The following PIK3R1 variants were observed in gnomAD, a reference collection of about 807,000 sequenced individuals.
PIK3R1 encodes phosphoinositide-3-kinase regulatory subunit 1.
Under a neutral mutation model 98.0 loss-of-function variants are expected in PIK3R1, and 29 were observed. The observed-to-expected ratio is 0.30, with a 90% CI of 0.22 to 0.40. PIK3R1 has a LOEUF of 0.40. Ranked by LOEUF, PIK3R1 falls within the 10% of genes least tolerant of loss-of-function variation. PIK3R1 has a pLI of 1.00. For missense variants in PIK3R1, 596 were observed against 872.7 expected (o/e 0.68, Z 3.99); for synonymous variants, 282 against 311.8 (o/e 0.90, Z 1.01).
At chr5:68,293,042 A>T in intron 8 of PIK3R1, 59 bp from the exon 9 acceptor site, 1 of 1,396,124 alleles carries the variant, frequency 7.2e-7, no homozygotes, top group Non-Finnish European at 1.0e-6. Context: ...TATTTTAAAA[A>T]ATATAAATCT....
chr5:68,227,239 T>G, intron 2 of PIK3R1, among the ~76,000 whole-genome samples: 1 of 152,220 alleles, frequency 6.6e-6, no homozygotes, highest in Non-Finnish European at 1.5e-5. Context: ...AGAACCTGTT[T>G]AGTGAGTGTC....
chr5:68,229,918 A>G (rs1744408909), intron 2 of PIK3R1, among the ~76,000 whole-genome samples: 1 of 152,242 alleles, frequency 6.6e-6, no homozygotes, highest in African/African-American at 2.4e-5. Context: ...GATTGAATGA[A>G]TTGTTTTAAT....
chr5:68,254,657 C>T (rs753313058), intron 2 of PIK3R1, among the ~76,000 whole-genome samples: 6 of 152,152 alleles, frequency 3.9e-5, no homozygotes, highest in South Asian at 4.1e-4. Flanking sequence ...CCTGAATGGA[C>T]TAATAAGTGG....
rs1479558682 is a variant in PIK3R1 at position 68,224,413 on chromosome 5, C to T, written c.-386-1877C>T. On this transcript the variant is annotated intron_variant, in intron 1 of 15. Coordinates refer to ENST00000521381, the MANE Select transcript of PIK3R1 (RefSeq NM_181523.3). ...ACTGAAATGCGAAGTAGAGTACTAT[C>T]CCCAATTAATATTCTTGCTCCACAA... is the stretch of plus-strand genomic sequence containing the variant. Among the ~76,000 whole-genome samples the T allele has an allele frequency of 2.0e-5, 3 of 152,246 alleles. No homozygotes were observed. In the East Asian group the frequency reaches 5.8e-4, roughly 29 times the overall value.
intron 2 of PIK3R1, among the ~76,000 whole-genome samples, chr5:68,266,474 A>G (rs1746127524): frequency 1.3e-5 from 2 of 152,222 alleles, no homozygotes; most frequent in Admixed American, 1.3e-4. Context: ...GAGAGGGAAT[A>G]TATTAACTTG....
At chr5:68,262,662 TACAC>T (rs1745844259) in intron 2 of PIK3R1, among the ~76,000 whole-genome samples, 1 of 134,932 alleles carries the variant, frequency 7.4e-6, no homozygotes, top group African/African-American at 3.1e-5. Flanking sequence ...TCTGCATGTA[TACAC>T]ATGTAGATAC....
At position 68,300,258 on chromosome 5, in the gene PIK3R1, C is replaced by G. The variant is rs994732423; in HGVS notation, c.*2657C>G. Reference sequence around the variant, plus strand: ...CCATATGACTTGAGTTACACCAGACCTGTTCTGCCCAATGCCTTTTTGATT... The same window carrying G: ...CCATATGACTTGAGTTACACCAGACGTGTTCTGCCCAATGCCTTTTTGATT... On this transcript the variant is annotated 3_prime_UTR_variant, in exon 16 of 16. Transcript: ENST00000521381. The G allele has an allele frequency of 8.6e-6, 2 of 233,004 alleles. No individual in the cohort carries two copies. The highest frequency in any genetic ancestry group is 4.4e-5 in the African/African-American group (2 of 45,346). 14.4% of individuals were successfully genotyped at this position (233,004 alleles called of 1,614,324 possible). A position where few individuals can be genotyped will look rare whatever the true frequency, so the allele number is the denominator to read the frequency against.
At chr5:68,235,422 AAATAAAT>A (rs1744629734) in intron 2 of PIK3R1, among the ~76,000 whole-genome samples, 3 of 151,404 alleles carry the variant, frequency 2.0e-5, no homozygotes, top group Non-Finnish European at 4.4e-5. Flanking sequence ...ATAAATAAAT[AAATAAAT>A]AAATAAATAA....
intron 7 of PIK3R1, chr5:68,288,580 C>G (rs1747197134): frequency 6.5e-7 from 1 of 1,528,008 alleles, no homozygotes; most frequent in South Asian, 1.3e-5. Context: ...GGCGCCCCCG[C>G]TCCTGCGCGC....
At chr5:68,289,160 A>G (rs1476297249) in intron 7 of PIK3R1, among the ~76,000 whole-genome samples, 4 of 152,166 alleles carry the variant, frequency 2.6e-5, no homozygotes, top group Non-Finnish European at 5.9e-5. Flanking sequence ...TGCTCGGAGA[A>G]CTTGTCTCCT....
chr5:68,281,287 G>C (rs1347842359), intron 7 of PIK3R1, among the ~76,000 whole-genome samples: 1 of 152,186 alleles, frequency 6.6e-6, no homozygotes, highest in African/African-American at 2.4e-5. Context: ...GGTTGTTGAA[G>C]AGATTTATGG....
intron 2 of PIK3R1, among the ~76,000 whole-genome samples, chr5:68,231,889 A>G (rs1451351526): frequency 2.0e-5 from 3 of 152,186 alleles, no homozygotes; most frequent in Admixed American, 2.0e-4. Flanking sequence ...TTCTGCATCT[A>G]TCGACCACTC....
chr5:68,259,798 C>A (rs569851375), intron 2 of PIK3R1, among the ~76,000 whole-genome samples: 10 of 152,262 alleles, frequency 6.6e-5, no homozygotes, highest in African/African-American at 2.4e-4. Flanking sequence ...GTAAGGAAAC[C>A]ATATGCCCTA....
rs530368563 is a variant in PIK3R1, at chr5:68,247,745, G to A, written c.334+20736G>A. Among the ~76,000 whole-genome samples, 11 of 152,136 alleles carry A rather than the reference G, an allele frequency of 7.2e-5. No individual in the cohort carries two copies. The East Asian group carries it at 2.1e-3, about 29-fold the overall frequency. On this transcript the variant is annotated intron_variant, in intron 2 of 15. Transcript: ENST00000521381. ...AGGCTGAAAACATTTTTCTAACTCT[G>A]TTGTTAGTTTGGGCTTTCCTTCATT...
intron 2 of PIK3R1, among the ~76,000 whole-genome samples, chr5:68,261,074 GTAATTTTCGCTT>G (rs1460352878): frequency 1.3e-5 from 2 of 152,138 alleles, no homozygotes; most frequent in African/African-American, 2.4e-5. Flanking sequence ...CATATTTGAA[GTAATTTTCGCTT>G]GGTGCCAACT....
chr5:68,255,727 G>C (rs140631914), intron 2 of PIK3R1, among the ~76,000 whole-genome samples: 1 of 152,178 alleles, frequency 6.6e-6, no homozygotes. Context: ...GCTCCCTATA[G>C]CACTGGAATT....
chr5:68,216,281 G>A (rs950962321), intron 1 of PIK3R1, among the ~76,000 whole-genome samples: 10 of 152,180 alleles, frequency 6.6e-5, no homozygotes, highest in African/African-American at 2.2e-4. Context: ...CCCACCCTCC[G>A]TCACCGCACA....
At chr5:68,276,399 T>G (rs1475713110) in intron 4 of PIK3R1, among the ~76,000 whole-genome samples, 1 of 152,126 alleles carries the variant, frequency 6.6e-6, no homozygotes, top group Non-Finnish European at 1.5e-5. Context: ...CCACTCCCAC[T>G]GGGAACCACT....
At chr5:68,278,398 C>G (rs1474251977) in intron 4 of PIK3R1, among the ~76,000 whole-genome samples, 4 of 152,148 alleles carry the variant, frequency 2.6e-5, no homozygotes, top group Non-Finnish European at 5.9e-5. Flanking sequence ...TTGAATCCAT[C>G]ACTCTGTTGG....
Sources: allele counts gnomAD v4.1 joint callset (sites outside exome capture counted in the v4.1 genomes callset), GRCh38; gene constraint gnomAD v4.1.1; transcripts MANE v1.5; gene names NCBI Gene and HGNC (gene_info 2026-07-23, HGNC 2026-07-21).